FRMPD4: variants seen among roughly 807,000 people sequenced by gnomAD.
The protein encoded by FRMPD4 is FERM and PDZ domain-containing protein 4.
A neutral mutation model predicts 94.1 loss-of-function variants in FRMPD4; 22 were observed. That is an observed-to-expected ratio of 0.23 (90% CI 0.17 to 0.33). FRMPD4 has a LOEUF of 0.33. Ranked by LOEUF, FRMPD4 falls within the 10% of genes least tolerant of loss-of-function variation. FRMPD4 has a pLI of 1.00. For missense variants in FRMPD4, 1,111 were observed against 1,339.9 expected, an observed-to-expected ratio of 0.83 and a Z score of 2.67; for synonymous variants, 631 against 548.6, an observed-to-expected ratio of 1.15 and a Z score of -2.10.
chrX:12,331,651 AT>A (rs2055378902), intron 1 of FRMPD4, among the ~76,000 whole-genome samples: 1 of 78,645 alleles, frequency 1.3e-5, no homozygotes, highest in South Asian at 5.2e-4. Context: ...TAAATTATAT[AT>A]TTATATAATA....
At chrX:12,271,520 G>A (rs922560281) in intron 1 of FRMPD4, among the ~76,000 whole-genome samples, 8 of 112,056 alleles carry the variant, frequency 7.1e-5, no homozygotes, top group African/African-American at 2.6e-4. Context: ...TACTGTCCAC[G>A]AAGATTGTGT....
intron 3 of FRMPD4, among the ~76,000 whole-genome samples, chrX:11,941,063 C>T (rs1218727553): frequency 1.2e-4 from 4 of 33,976 alleles, no homozygotes; most frequent in Admixed American, 4.1e-4. Flanking sequence ...CAGGTGCGTC[C>T]GTCACCCCTT....
At chrX:12,497,566 A>G (rs12391400) in intron 1 of FRMPD4, among the ~76,000 whole-genome samples, 1,639 of 110,361 alleles carry the variant, frequency 0.015, 38 homozygotes, top group African/African-American at 0.05. Flanking sequence ...TTAGTAGTCA[A>G]TGGGCCACAG....
At chrX:11,868,854 A>G (rs1379373467) in intron 2 of FRMPD4, among the ~76,000 whole-genome samples, 2 of 112,531 alleles carry the variant, frequency 1.8e-5, no homozygotes, top group Non-Finnish European at 3.8e-5. Context: ...ATGCTCACTC[A>G]TTGCTGTAGT....
intron 3 of FRMPD4, among the ~76,000 whole-genome samples, chrX:12,123,905 T>C (rs1312460012): frequency 9.0e-6 from 1 of 111,703 alleles, no homozygotes; most frequent in Non-Finnish European, 1.9e-5. Flanking sequence ...GTCACTGCTA[T>C]TCTAAAAGGA....
At chrX:12,341,343 A>AT (rs1280981290) in intron 1 of FRMPD4, among the ~76,000 whole-genome samples, 17,792 of 107,591 alleles carry the variant, frequency 0.17, 3,747 homozygotes, top group African/African-American at 0.57. Flanking sequence ...ACCTTGAACC[A>AT]TTTTTTTTTT....
intron 3 of FRMPD4, among the ~76,000 whole-genome samples, chrX:12,019,330 A>G (rs940268977): frequency 9.1e-6 from 1 of 110,110 alleles, no homozygotes; most frequent in Admixed American, 9.7e-5. Flanking sequence ...ATTCACAGCT[A>G]AACCACCATA....
intron 2 of FRMPD4, among the ~76,000 whole-genome samples, chrX:12,521,982 A>G (rs1473553326): frequency 9.0e-6 from 1 of 111,370 alleles, no homozygotes; most frequent in Admixed American, 9.5e-5. Context: ...GGGCAATGAT[A>G]TGTTTTAAAA....
intron 1 of FRMPD4, among the ~76,000 whole-genome samples, chrX:12,244,012 T>C: frequency 9.1e-6 from 1 of 109,665 alleles, no homozygotes; most frequent in Non-Finnish European, 1.9e-5. Context: ...CCCAGTCTGG[T>C]CTTGAACTCC....
chrX:12,479,515 A>T (rs1418843751), intron 1 of FRMPD4, among the ~76,000 whole-genome samples: 2 of 103,144 alleles, frequency 1.9e-5, no homozygotes, highest in Non-Finnish European at 3.9e-5. Flanking sequence ...ATATATATAT[A>T]TTTTGAGACA....
chrX:11,896,745 T>C (rs897882232), intron 3 of FRMPD4, among the ~76,000 whole-genome samples: 7 of 112,397 alleles, frequency 6.2e-5, no homozygotes, highest in African/African-American at 2.3e-4. Flanking sequence ...TGAAATGTGC[T>C]TGGGGCTGAG....
chrX:12,710,286 A>G, intron 13 of FRMPD4, 113 bp from the exon 14 acceptor site: 1 of 654,063 alleles, frequency 1.5e-6, no homozygotes, highest in Admixed American at 3.1e-5. Context: ...GGTTTCTCCC[A>G]TGAAATGTTT....
intron 1 of FRMPD4, among the ~76,000 whole-genome samples, chrX:12,270,539 AT>A (rs779742429): frequency 2.3e-4 from 26 of 111,880 alleles, no homozygotes; most frequent in African/African-American, 8.1e-4. Flanking sequence ...AGTTTACATA[AT>A]GATTGTTTTA....
At chrX:12,119,851 A>G (rs1411432007) in intron 3 of FRMPD4, among the ~76,000 whole-genome samples, 2 of 112,695 alleles carry the variant, frequency 1.8e-5, no homozygotes, top group African/African-American at 6.4e-5. Flanking sequence ...GTATCTGTAG[A>G]AGCAGAATGT....
chrX:12,388,850 T>TATATATATATATATATATATATACAC (rs1491368741), intron 1 of FRMPD4, among the ~76,000 whole-genome samples: 1 of 73,475 alleles, frequency 1.4e-5, no homozygotes, highest in African/African-American at 6.4e-5. Flanking sequence ...TATATATATA[T>TATATATATATATATATATATATACAC]ACACACAATG....
At chrX:12,372,516 C>T (rs1259718744) in intron 1 of FRMPD4, among the ~76,000 whole-genome samples, 1 of 112,900 alleles carries the variant, frequency 8.9e-6, no homozygotes, top group Non-Finnish European at 1.9e-5. Flanking sequence ...GCTGGCTCCT[C>T]CCAGGACCTG....
chrX:12,109,732 G>C (rs2055338064), intron 3 of FRMPD4, among the ~76,000 whole-genome samples: 1 of 111,752 alleles, frequency 8.9e-6, no homozygotes. Flanking sequence ...AAATGATAAA[G>C]GGGATATCAC....
At chrX:12,064,825 G>A (rs1446031280) in intron 3 of FRMPD4, among the ~76,000 whole-genome samples, 1 of 111,938 alleles carries the variant, frequency 8.9e-6, no homozygotes, top group Non-Finnish European at 1.9e-5. Context: ...AATTGAAAAT[G>A]TTCATTTCAG....
chrX:12,718,836 A>G (rs1569077385), intron 16 of FRMPD4, 46 bp downstream of exon 16: 1 of 798,613 alleles, frequency 1.3e-6, no homozygotes, highest in Non-Finnish European at 1.8e-6. Context: ...TGCCAAGAGC[A>G]TGTAAACCAT....
Sources: gnomAD v4.1 joint callset for allele counts (sites outside exome capture counted in the v4.1 genomes callset) on GRCh38, gnomAD v4.1.1 for gene constraint, MANE v1.5 for transcripts, NCBI Gene and HGNC (gene_info 2026-07-23, HGNC 2026-07-21) for gene names.